Variants in EYS observed in about 807,000 individuals in gnomAD.
EYS encodes the protein protein eyes shut homolog.
EYS carries 250 observed loss-of-function variants against 282.1 expected under a neutral mutation model. The ratio of observed to expected loss-of-function variants is 0.89; its 90% CI spans 0.80 to 0.98. The LOEUF is 0.98. EYS is among the 50% of genes least tolerant of loss of function. EYS has a pLI of 0.00. For missense variants in EYS, 4,016 were observed against 3,709.0 expected (o/e 1.08, Z -2.15); for synonymous variants, 1,355 against 1,282.9 (o/e 1.06, Z -1.20).
intron 19 of EYS, among the ~76,000 whole-genome samples, chr6:64,881,647 G>A (rs1766922844): frequency 6.6e-6 from 1 of 151,764 alleles, no homozygotes. Context: ...CAAGGCTTGG[G>A]ATGTAAGAGG....
intron 2 of EYS, among the ~76,000 whole-genome samples, chr6:65,605,912 G>A (rs1765771505): frequency 6.6e-6 from 1 of 151,590 alleles, no homozygotes; most frequent in Admixed American, 6.6e-5. Flanking sequence ...ATGCTATATT[G>A]TGGTCAATGT....
At chr6:65,502,916 A>C (rs757183631) in intron 2 of EYS, among the ~76,000 whole-genome samples, 3 of 151,650 alleles carry the variant, frequency 2.0e-5, no homozygotes, top group Non-Finnish European at 4.4e-5. Context: ...ATTAATGTTA[A>C]CCTTGATCAC....
Position 65,010,559 on chromosome 6 carries a change from G to A in EYS, c.2138-12856C>T, listed in dbSNP as rs180889471. Among the ~76,000 whole-genome samples the A allele has an allele frequency of 6.4e-3, 970 of 152,250 alleles. 17 individuals are homozygous for A. Among genetic ancestry groups the A allele is most frequent in the African/African-American group, 0.021 (873 of 41,544 alleles). On this transcript the variant is annotated intron_variant, in intron 13 of 42. Coordinates refer to ENST00000503581, the MANE Select transcript of EYS (RefSeq NM_001142800.2). ...TTTAGAGGTTCCCTTGACTGATCCC[G>A]ACCTTAACTTGTGTACTGATGGAAG...
At chr6:65,039,692 T>C (rs1358041355) in intron 13 of EYS, among the ~76,000 whole-genome samples, 3 of 151,626 alleles carry the variant, frequency 2.0e-5, no homozygotes, top group South Asian at 2.1e-4. Flanking sequence ...AAATATTTTA[T>C]GGTTTTGCAG....
intron 29 of EYS, among the ~76,000 whole-genome samples, chr6:64,370,053 A>G (rs960804637): frequency 2.0e-5 from 3 of 151,900 alleles, no homozygotes; most frequent in African/African-American, 7.2e-5. Context: ...TTGGCTAGGA[A>G]TTCCAGTACT....
At chr6:64,170,177 AG>A (rs1413788722) in intron 31 of EYS, among the ~76,000 whole-genome samples, 1 of 152,198 alleles carries the variant, frequency 6.6e-6, no homozygotes, top group African/African-American at 2.4e-5. Flanking sequence ...CTCTCAAAAA[AG>A]AAAAATCATT....
In EYS at chr6:65,020,287, A is replaced by G. The variant is rs1029775541; in HGVS notation, c.2138-22584T>C. Among the ~76,000 whole-genome samples the G allele has an allele frequency of 2.0e-5, 3 of 152,198 alleles. No individual in the cohort carries two copies. The East Asian group carries it at 5.8e-4, about 29-fold the overall frequency. ...CCTATGAGCCTGTAAAATCAAAAGCAAGTTAGTTACTTCCTAGATACAATG... is the reference window on the plus strand; with the variant it reads ...CCTATGAGCCTGTAAAATCAAAAGCGAGTTAGTTACTTCCTAGATACAATG... On this transcript the variant is annotated intron_variant, in intron 13 of 42. Coordinates refer to ENST00000503581, the MANE Select transcript of EYS (RefSeq NM_001142800.2).
At chr6:64,387,176 G>C (rs1362843970) in intron 29 of EYS, among the ~76,000 whole-genome samples, 1 of 151,904 alleles carries the variant, frequency 6.6e-6, no homozygotes, top group African/African-American at 2.4e-5. Flanking sequence ...ACCTAAGTCT[G>C]TGTATATGTA....
chr6:64,455,085 G>T (rs1775509305), intron 26 of EYS, among the ~76,000 whole-genome samples: 1 of 151,680 alleles, frequency 6.6e-6, no homozygotes, highest in Non-Finnish European at 1.5e-5. Context: ...TTATTTATTT[G>T]TGTGTGTGTG....
At chr6:63,734,140 G>C (rs747596649) in intron 41 of EYS, among the ~76,000 whole-genome samples, 4 of 152,096 alleles carry the variant, frequency 2.6e-5, no homozygotes, top group Non-Finnish European at 4.4e-5. Flanking sequence ...AGGCAGATGG[G>C]AGTAAGGGTT....
At chr6:63,905,329 CTTTTTTT>C (rs377115720) in intron 35 of EYS, among the ~76,000 whole-genome samples, 1 of 118,302 alleles carries the variant, frequency 8.5e-6, no homozygotes, top group Non-Finnish European at 1.7e-5. Flanking sequence ...CTTTTTTTTT[CTTTTTTT>C]TTTTTTTTTT....
chr6:64,369,744 C>A (rs1772296289), intron 29 of EYS, among the ~76,000 whole-genome samples: 1 of 151,904 alleles, frequency 6.6e-6, no homozygotes, highest in Non-Finnish European at 1.5e-5. Context: ...TGTCCTAAAG[C>A]TCTATTGTAG....
rs190796859 is a variant in EYS, at chr6:65,162,224, T to C, written c.2024-104497A>G. ...GTATAAATGGAGATAACACCAGTTC[T>C]GTCCATTTCTCAGGATTCTATGAGA... On this transcript the variant is annotated intron_variant, in intron 12 of 42. Coordinates refer to ENST00000503581, the MANE Select transcript of EYS (RefSeq NM_001142800.2). Among the ~76,000 whole-genome samples the C allele has an allele frequency of 4.9e-3, 735 of 151,396 alleles. 4 individuals carry two copies. The highest frequency in any genetic ancestry group is 0.017 in the African/African-American group (696 of 41,430).
At chr6:64,754,260 C>T (rs1772857925) in intron 22 of EYS, among the ~76,000 whole-genome samples, 1 of 152,000 alleles carries the variant, frequency 6.6e-6, no homozygotes, top group Admixed American at 6.6e-5. Flanking sequence ...GAATAATTTC[C>T]TGAAAACATG....
chr6:64,958,280 G>A (rs952426979), intron 14 of EYS, among the ~76,000 whole-genome samples: 1 of 152,108 alleles, frequency 6.6e-6, no homozygotes, highest in Admixed American at 6.5e-5. Context: ...TGTTCGGGAG[G>A]CTGAGACATG....
At chr6:64,862,011 TA>T (rs1766254767) in intron 19 of EYS, among the ~76,000 whole-genome samples, 1 of 152,218 alleles carries the variant, frequency 6.6e-6, no homozygotes, top group Non-Finnish European at 1.5e-5. Context: ...TTATCTGCTT[TA>T]TTATTTAAAG....
chr6:65,507,717 A>G (rs900724091), intron 2 of EYS, among the ~76,000 whole-genome samples: 2 of 152,026 alleles, frequency 1.3e-5, no homozygotes, highest in African/African-American at 4.8e-5. Flanking sequence ...ACCTATGTCC[A>G]TTCTCTAATG....
chr6:64,315,585 C>T (rs1769923834), intron 29 of EYS, among the ~76,000 whole-genome samples: 1 of 151,274 alleles, frequency 6.6e-6, no homozygotes, highest in African/African-American at 2.4e-5. Flanking sequence ...AAGTCAGCTT[C>T]ATCCCTGGGA....
intron 12 of EYS, among the ~76,000 whole-genome samples, chr6:65,289,834 C>T (rs1049438625): frequency 6.6e-6 from 1 of 151,054 alleles, no homozygotes; most frequent in Non-Finnish European, 1.5e-5. Context: ...AATAATTTTA[C>T]ATTTCTGTAT....
Sources: gnomAD v4.1 joint callset for allele counts (sites outside exome capture counted in the v4.1 genomes callset) on GRCh38, gnomAD v4.1.1 for gene constraint, MANE v1.5 for transcripts, NCBI Gene and HGNC (gene_info 2026-07-23, HGNC 2026-07-21) for gene names.